The following BAZ2B variants were observed in gnomAD, a reference collection of about 807,000 sequenced individuals.
BAZ2B encodes the protein bromodomain adjacent to zinc finger domain 2B.
In BAZ2B, 91 loss-of-function variants were observed where a neutral mutation model predicts 246.0. The ratio of observed to expected loss-of-function variants is 0.37; its 90% CI spans 0.31 to 0.44. The LOEUF (loss-of-function observed/expected upper bound fraction) is 0.44, where lower values mean the gene tolerates loss of function less well. Ranked by LOEUF, BAZ2B falls within the 20% of genes least tolerant of loss-of-function variation. The pLI is 1.00. For synonymous variants in BAZ2B, 855 were observed against 860.0 expected, an observed-to-expected ratio of 0.99 and a Z score of 0.10; for missense variants, 2,332 against 2,533.7, an observed-to-expected ratio of 0.92 and a Z score of 1.71.
chr2:159,361,333 A>C (rs1343535297), intron 27 of BAZ2B, among the ~76,000 whole-genome samples: 4 of 152,246 alleles, frequency 2.6e-5, no homozygotes, highest in Non-Finnish European at 2.9e-5. Context: ...TGATGCAGCC[A>C]ACAAACATAT....
At chr2:159,622,263 C>A in the BAZ2B span, among the ~76,000 whole-genome samples, 443 of 64,906 alleles carry the variant, frequency 6.8e-3, no homozygotes, top group African/African-American at 9.6e-3. Context: ...AGTACTGTCT[C>A]AAAAAAAAAA....
intron 3 of BAZ2B, among the ~76,000 whole-genome samples, chr2:159,466,478 A>G (rs148860562): frequency 5.6e-4 from 85 of 152,358 alleles, no homozygotes; most frequent in Admixed American, 1.8e-3. Flanking sequence ...TAAATGCAGA[A>G]GAATTGACAA....
At chr2:159,691,930 C>T in the BAZ2B span, among the ~76,000 whole-genome samples, 2 of 152,182 alleles carry the variant, frequency 1.3e-5, no homozygotes, top group African/African-American at 2.4e-5. Context: ...AGCAGTACAA[C>T]GTGCTACAAT....
At chr2:159,383,480 C>G in intron 24 of BAZ2B, 126 bp downstream of exon 24, 1 of 831,902 alleles carries the variant, frequency 1.2e-6, no homozygotes. Context: ...TATATCCCAT[C>G]TAAATTGAGC....
intron 34 of BAZ2B, among the ~76,000 whole-genome samples, chr2:159,330,822 G>GCAT (rs1206674567): frequency 6.6e-6 from 1 of 152,112 alleles, no homozygotes; most frequent in Non-Finnish European, 1.5e-5. Flanking sequence ...TAGTGTCACT[G>GCAT]CATTCCAGCC....
At chr2:159,342,930 G>A (rs560306501) in intron 31 of BAZ2B, among the ~76,000 whole-genome samples, 124 of 152,298 alleles carry the variant, frequency 8.1e-4, no homozygotes, top group Non-Finnish European at 1.2e-3. Context: ...TAAACTTTGT[G>A]TGGAATTACA....
At chr2:159,327,867 C>A (rs1404027722) in intron 34 of BAZ2B, among the ~76,000 whole-genome samples, 1 of 152,066 alleles carries the variant, frequency 6.6e-6, no homozygotes, top group Non-Finnish European at 1.5e-5. Flanking sequence ...GAGTTTGAGA[C>A]CAGCTTGGCC....
At chr2:159,360,820 T>G (rs2059611362) in intron 27 of BAZ2B, among the ~76,000 whole-genome samples, 1 of 152,184 alleles carries the variant, frequency 6.6e-6, no homozygotes, top group African/African-American at 2.4e-5. Flanking sequence ...ATGTGATCTT[T>G]GACAAACCTG....
chr2:159,683,853 C>G, the BAZ2B span, among the ~76,000 whole-genome samples: 1 of 152,292 alleles, frequency 6.6e-6, no homozygotes, highest in Admixed American at 6.5e-5. Flanking sequence ...AGACAACTGC[C>G]CCATCTCAAG....
chr2:159,674,977 C>A, the BAZ2B span, among the ~76,000 whole-genome samples: 1 of 152,018 alleles, frequency 6.6e-6, no homozygotes, highest in African/African-American at 2.4e-5. Flanking sequence ...TTGTATTTGT[C>A]GCAGCATTAA....
chr2:159,337,637 G>T lies in BAZ2B; in HGVS notation c.5590C>A (p.Arg1864=). Residue 1864 remains arginine (R), a synonymous_variant, in exon 32 of 37, where the codon CGG becomes AGG. Coordinates refer to ENST00000392783, the MANE Select transcript of BAZ2B (RefSeq NM_013450.4). ...EDESSAHALE[R]KSDNPLDIAV... ...ATATCTAGGGGGTTGTCACTCTTCCGTTCTAGTGCATGTGCACTGCTTTCG... is the reference window on the plus strand; with the variant it reads ...ATATCTAGGGGGTTGTCACTCTTCCTTTCTAGTGCATGTGCACTGCTTTCG... 1.2e-6 allele frequency: 2 copies of T among 1,614,158 alleles called. No individual in the cohort carries two copies. The highest frequency in any genetic ancestry group is 1.7e-6 in the Non-Finnish European group (2 of 1,180,012).
At chr2:159,324,096 T>C (rs965707987) in intron 36 of BAZ2B, among the ~76,000 whole-genome samples, 3 of 152,134 alleles carry the variant, frequency 2.0e-5, no homozygotes, top group Non-Finnish European at 4.4e-5. Flanking sequence ...ATATAAATCA[T>C]AGAGAACAGT....
At chr2:159,612,037 T>C (rs894379321) in intron 1 of BAZ2B, among the ~76,000 whole-genome samples, 2 of 152,008 alleles carry the variant, frequency 1.3e-5, no homozygotes, top group Non-Finnish European at 1.5e-5. Flanking sequence ...CATTTTAGTA[T>C]GATAGCTGAA....
chr2:159,469,243 C>T (rs1224236305), intron 3 of BAZ2B, among the ~76,000 whole-genome samples: 4 of 151,800 alleles, frequency 2.6e-5, no homozygotes, highest in African/African-American at 4.8e-5. Flanking sequence ...TGTATATCAA[C>T]GATGAAAGAA....
Position 159,453,757 on chromosome 2 carries a change from T to C in BAZ2B, c.190A>G (p.Thr64Ala), listed in dbSNP as rs957733230. 1.2e-6 allele frequency: 2 copies of C among 1,612,898 alleles called. No homozygotes were observed. The highest frequency in any genetic ancestry group is 1.7e-6 in the Non-Finnish European group (2 of 1,179,450). ...ACCATTGGGAAGGCACTCGACACTG[T>C]GGACAGGTTAAACGGTTGATCCCCA... ...TAGDQPFNLS[T>A]VSSAFPMVSH... Residue 64 changes from threonine (T) to alanine (A), a missense_variant, in exon 4 of 37, where the codon ACA becomes GCA. This residue lies in a region of BAZ2B where 242 missense variants were observed against 237.4 expected (regional missense o/e 1.02). Transcript: ENST00000392783.
intron 2 of BAZ2B, among the ~76,000 whole-genome samples, chr2:159,488,338 G>T (rs2080071662): frequency 6.6e-6 from 1 of 152,112 alleles, no homozygotes; most frequent in Non-Finnish European, 1.5e-5. Flanking sequence ...CTCCCAAAGT[G>T]CTGGGATTAC....
rs1424897532 is a variant in BAZ2B at position 159,455,776 on chromosome 2, T to TTTG, written c.146-1976_146-1975insCAA. 4.1e-5 allele frequency among the ~76,000 whole-genome samples: 6 copies of TTTG among 147,042 alleles called. 1 individual carries two copies. The highest frequency in any genetic ancestry group is 1.4e-4 in the Admixed American group (2 of 14,760). ...AGAAATATTGTGGTTTTTTTTTTTT[T>TTTG]TTTTTTTTTTTTGGCAAATTCTCAG... On this transcript the variant is annotated intron_variant, in intron 3 of 36. Coordinates refer to ENST00000392783, the MANE Select transcript of BAZ2B (RefSeq NM_013450.4).
chr2:159,338,969 G>A (rs2066142232), intron 31 of BAZ2B, among the ~76,000 whole-genome samples: 1 of 151,972 alleles, frequency 6.6e-6, no homozygotes, highest in Admixed American at 6.6e-5. Context: ...TGGTAGGAAC[G>A]ACACTTTATC....
At chr2:159,326,943 G>A (rs137903066) in intron 34 of BAZ2B, among the ~76,000 whole-genome samples, 1 of 152,048 alleles carries the variant, frequency 6.6e-6, no homozygotes, top group African/African-American at 2.4e-5. Flanking sequence ...CAAATATGTG[G>A]TACACACCAA....
Sources: allele counts gnomAD v4.1 joint callset (sites outside exome capture counted in the v4.1 genomes callset), GRCh38; gene constraint gnomAD v4.1.1; regional missense constraint gnomAD v4.1.1; transcripts MANE v1.5; gene names NCBI Gene and HGNC (gene_info 2026-07-23, HGNC 2026-07-21).